The following PLA2R1 variants were observed in gnomAD, a reference collection of about 807,000 sequenced individuals.
The protein encoded by PLA2R1 is secretory phospholipase A2 receptor.
PLA2R1 carries 158 observed loss-of-function variants against 195.9 expected under a neutral mutation model. The ratio of observed to expected loss-of-function variants is 0.81; its 90% CI spans 0.71 to 0.92. PLA2R1 has a LOEUF of 0.92. PLA2R1 is among the 40% of genes least tolerant of loss of function. The pLI, the probability that PLA2R1 is intolerant of heterozygous loss-of-function variation, is 0.00. For synonymous variants in PLA2R1, 586 were observed against 598.2 expected, an observed-to-expected ratio of 0.98 and a Z score of 0.30; for missense variants, 1,626 against 1,764.6, an observed-to-expected ratio of 0.92 and a Z score of 1.41.
chr2:159,985,234 C>T (rs1690244184), intron 12 of PLA2R1, among the ~76,000 whole-genome samples: 1 of 152,182 alleles, frequency 6.6e-6, no homozygotes, highest in Non-Finnish European at 1.5e-5. Flanking sequence ...ACTTTTGGGC[C>T]TATTATTCTA....
At chr2:160,037,939 A>G (rs983164648) in intron 3 of PLA2R1, among the ~76,000 whole-genome samples, 4 of 152,230 alleles carry the variant, frequency 2.6e-5, no homozygotes, top group Non-Finnish European at 4.4e-5. Context: ...GGCAGGCACT[A>G]TGACTTTCAC....
downstream of PLA2R1, among the ~76,000 whole-genome samples, chr2:159,928,398 C>T (rs116413599): frequency 3.3e-3 from 507 of 152,218 alleles, 4 homozygotes; most frequent in African/African-American, 0.012. Context: ...ATCACAATGT[C>T]AGTTTATTAA....
At chr2:160,061,176 G>A (rs1387139214) in intron 1 of PLA2R1, among the ~76,000 whole-genome samples, 1 of 152,146 alleles carries the variant, frequency 6.6e-6, no homozygotes, top group African/African-American at 2.4e-5. Flanking sequence ...GAGGATGGAG[G>A]CTGTCTGGAG....
chr2:159,935,107 A>C lies in PLA2R1; in HGVS notation c.*6671T>G, dbSNP rs978672599. ...ATGCATTTTGGGGAGGATACCAAAGAAGTCATGTGCCCTTCTCAATGCCAT... is the reference window on the plus strand; with the variant it reads ...ATGCATTTTGGGGAGGATACCAAAGCAGTCATGTGCCCTTCTCAATGCCAT... On this transcript the variant is annotated 3_prime_UTR_variant, in exon 30 of 30. Transcript: ENST00000283243. The C allele has an allele frequency of 3.3e-5, 5 of 152,232 alleles. No individual in the cohort carries two copies. The highest frequency in any genetic ancestry group is 1.2e-4 in the African/African-American group (5 of 41,462). The allele number at this position is 152,232 out of a possible 1,614,324, so 9.4% of individuals were successfully genotyped here.
At chr2:160,041,931 A>G in intron 3 of PLA2R1, 94 bp downstream of exon 3, 1 of 992,288 alleles carries the variant, frequency 1.0e-6, no homozygotes, top group South Asian at 1.6e-5. Context: ...AGACTTCAAT[A>G]TATCAATCCC....
At chr2:159,996,915 G>A (rs1691252390) in intron 11 of PLA2R1, among the ~76,000 whole-genome samples, 1 of 151,956 alleles carries the variant, frequency 6.6e-6, no homozygotes, top group African/African-American at 2.4e-5. Context: ...TTGCTTACAG[G>A]ATCCAGCTGT....
Position 159,944,900 on chromosome 2 carries a change from A to G in PLA2R1, c.4144+6T>C. 1 of 1,603,082 alleles carries G rather than the reference A, an allele frequency of 6.2e-7. No individual in the cohort carries two copies. On this transcript the variant is annotated splice_donor_region_variant and intron_variant, in intron 28 of 29. Transcript: ENST00000283243. ...AAATGAAGAATTACTCTCTGACTTT[A>G]CCTACCTGCCTCCATTTTACATATA...
At chr2:160,057,712 C>T (rs2105710037) in intron 1 of PLA2R1, among the ~76,000 whole-genome samples, 1 of 152,328 alleles carries the variant, frequency 6.6e-6, no homozygotes, top group East Asian at 1.9e-4. Flanking sequence ...TCCCTGGACT[C>T]TCAGCCTCTT....
At chr2:159,958,529 C>T (rs968867054) in intron 20 of PLA2R1, among the ~76,000 whole-genome samples, 2 of 152,146 alleles carry the variant, frequency 1.3e-5, no homozygotes, top group East Asian at 3.8e-4. Flanking sequence ...CCCTTCCCCA[C>T]CATCATACAC....
Position 159,951,390 on chromosome 2 carries a change from C to T in PLA2R1, c.3490G>A (p.Val1164Ile), listed in dbSNP as rs2125930706. 1 of 1,613,880 alleles carries T rather than the reference C, an allele frequency of 6.2e-7. No individual in the cohort carries two copies. The highest frequency in any genetic ancestry group is 8.5e-7 in the Non-Finnish European group (1 of 1,179,806). ...DQYHQSFLTV[V>I]LNRLGYAHWI... ...TGGGCATATCCTAGCCGGTTGAGGA[C>T]AACAGTGAGGAAGGACTGGTGATAC... is the stretch of plus-strand genomic sequence containing the variant. The change falls in exon 24 of 30, where the codon GTC becomes ATC. Residue 1164 changes from valine (V) to isoleucine (I), a missense_variant. Transcript: ENST00000283243.
intron 25 of PLA2R1, among the ~76,000 whole-genome samples, chr2:159,948,297 C>G (rs944682882): frequency 6.6e-6 from 1 of 152,136 alleles, no homozygotes; most frequent in African/African-American, 2.4e-5. Flanking sequence ...TGCAGTGGCA[C>G]AATCACAGCT....
intron 11 of PLA2R1, among the ~76,000 whole-genome samples, chr2:160,000,464 T>C (rs569330748): frequency 6.6e-6 from 1 of 152,230 alleles, no homozygotes; most frequent in South Asian, 2.1e-4. Context: ...TGGAAACAAA[T>C]GCTAATTTTC....
rs774595006 is a variant in PLA2R1, at chr2:159,987,320, G to T, written c.1873C>A (p.Pro625Thr). The change falls in exon 12 of 30, where the codon CCA becomes ACA. Residue 625 changes from proline (P) to threonine (T), a missense_variant. By Grantham distance (38) the Pro-to-Thr change is conservative. Transcript: ENST00000283243. ...TGCTTCACTTCCCAGCGACCAAGTGGATGCCTTCCTCGCATGGCAACACAG... is the reference window on the plus strand; with the variant it reads ...TGCTTCACTTCCCAGCGACCAAGTGTATGCCTTCCTCGCATGGCAACACAG... ...GGCVAMRGRHPLGRWEVKHCR... is the reference protein window; with the variant it reads ...GGCVAMRGRHTLGRWEVKHCR... 1.7e-5 allele frequency: 28 copies of T among 1,612,170 alleles called. No individual in the cohort carries two copies. Among genetic ancestry groups the T allele is most frequent in the Non-Finnish European group, 2.2e-5 (26 of 1,179,848 alleles).
At chr2:160,007,152 TC>T (rs1255548089) in intron 10 of PLA2R1, among the ~76,000 whole-genome samples, 1 of 152,238 alleles carries the variant, frequency 6.6e-6, no homozygotes, top group East Asian at 1.9e-4. Flanking sequence ...TAAATGTGCT[TC>T]AAAAGGAACA....
In PLA2R1 at chr2:159,938,827, T is replaced by C. The variant is rs1188336706; in HGVS notation, c.*2951A>G. ...AAAAGACTGAACGTTTAAGTAAACATTCAGTTCAATCTTATCTTTAATAAG... is the reference window on the plus strand; with the variant it reads ...AAAAGACTGAACGTTTAAGTAAACACTCAGTTCAATCTTATCTTTAATAAG... On this transcript the variant is annotated 3_prime_UTR_variant, in exon 30 of 30. Transcript: ENST00000283243. The C allele has an allele frequency of 6.6e-6, 1 of 152,210 alleles. No individual in the cohort carries two copies. Among genetic ancestry groups the C allele is most frequent in the Admixed American group, 6.5e-5 (1 of 15,282 alleles). 9.4% of individuals were successfully genotyped at this position (152,210 alleles called of 1,614,324 possible).
chr2:160,032,027 A>G (rs531748395), intron 4 of PLA2R1, among the ~76,000 whole-genome samples: 2 of 152,378 alleles, frequency 1.3e-5, no homozygotes, highest in African/African-American at 4.8e-5. Context: ...TTGGCCTCCC[A>G]AAGTGCTGGG....
intron 11 of PLA2R1, among the ~76,000 whole-genome samples, chr2:159,997,190 C>G (rs1282044567): frequency 1.3e-5 from 2 of 152,112 alleles, no homozygotes; most frequent in African/African-American, 4.8e-5. Flanking sequence ...GGGAAGCGTT[C>G]TACAATTTTA....
intron 16 of PLA2R1, among the ~76,000 whole-genome samples, chr2:159,976,445 G>A (rs1689561433): frequency 6.6e-6 from 1 of 151,980 alleles, no homozygotes; most frequent in Admixed American, 6.6e-5. Context: ...GTATTAAAAG[G>A]TCGGGGATAG....
intron 1 of PLA2R1, among the ~76,000 whole-genome samples, chr2:160,053,109 T>G (rs1695317174): frequency 6.6e-6 from 1 of 152,166 alleles, no homozygotes; most frequent in Non-Finnish European, 1.5e-5. Context: ...GGATGGTTCC[T>G]TCCAAGGGCT....
Sources: gnomAD v4.1 joint callset for allele counts (sites outside exome capture counted in the v4.1 genomes callset) on GRCh38, gnomAD v4.1.1 for gene constraint, MANE v1.5 for transcripts, NCBI Gene and HGNC (gene_info 2026-07-23, HGNC 2026-07-21) for gene names.